The following MAN1A1 variants were observed in gnomAD, a reference collection of about 807,000 sequenced individuals.
MAN1A1 encodes mannosyl-oligosaccharide 1,2-alpha-mannosidase IA.
Under a neutral mutation model 70.8 loss-of-function variants are expected in MAN1A1, and 29 were observed. That is an observed-to-expected ratio of 0.41 (90% CI 0.31 to 0.56). The LOEUF is 0.56. Ranked by LOEUF, MAN1A1 falls within the 20% of genes least tolerant of loss-of-function variation. MAN1A1 has a pLI of 0.29. For synonymous variants in MAN1A1, 349 were observed against 330.1 expected (o/e 1.06, Z -0.62); for missense variants, 747 against 841.3 (o/e 0.89, Z 1.39).
chr6:119,346,187 T>G (rs1453099753), intron 2 of MAN1A1, among the ~76,000 whole-genome samples: 2 of 152,192 alleles, frequency 1.3e-5, no homozygotes, highest in African/African-American at 4.8e-5. Flanking sequence ...ATGTCCACAG[T>G]GGTGCCTGAA....
intron 2 of MAN1A1, among the ~76,000 whole-genome samples, chr6:119,343,734 G>GTTTC (rs1773657001): frequency 6.6e-6 from 1 of 152,054 alleles, no homozygotes; most frequent in Non-Finnish European, 1.5e-5. Flanking sequence ...TTTGCCACTC[G>GTTTC]TTTCACAGTA....
At chr6:119,199,283 G>A (rs1773652924) in intron 8 of MAN1A1, among the ~76,000 whole-genome samples, 1 of 152,112 alleles carries the variant, frequency 6.6e-6, no homozygotes. Context: ...GAAGTGACAA[G>A]CTCATTTTCA....
At chr6:119,328,182 G>A (rs1380936234) in intron 2 of MAN1A1, among the ~76,000 whole-genome samples, 2 of 152,162 alleles carry the variant, frequency 1.3e-5, no homozygotes, top group East Asian at 1.9e-4. Context: ...CACACAACAT[G>A]CCCAAGAAGA....
At chr6:119,269,953 C>T (rs945450369) in intron 5 of MAN1A1, among the ~76,000 whole-genome samples, 4 of 152,090 alleles carry the variant, frequency 2.6e-5, no homozygotes, top group African/African-American at 9.7e-5. Flanking sequence ...GCTTCACTGC[C>T]CATGGCTTGA....
intron 5 of MAN1A1, among the ~76,000 whole-genome samples, chr6:119,280,667 T>TGCAA (rs1329871671): frequency 6.6e-6 from 1 of 152,202 alleles, no homozygotes; most frequent in Non-Finnish European, 1.5e-5. Flanking sequence ...AAAAATAATT[T>TGCAA]GCAAGAACAT....
chr6:119,234,666 C>T (rs1224257281), intron 6 of MAN1A1, among the ~76,000 whole-genome samples: 2 of 152,154 alleles, frequency 1.3e-5, no homozygotes, highest in Non-Finnish European at 2.9e-5. Flanking sequence ...CCTTTTGCCT[C>T]GGCCTCCAAA....
At position 119,345,240 on chromosome 6, in the gene MAN1A1, A is replaced by T. The variant is rs79340559; in HGVS notation, c.603+3223T>A. On this transcript the variant is annotated intron_variant, in intron 2 of 12. Coordinates refer to ENST00000368468, the MANE Select transcript of MAN1A1 (RefSeq NM_005907.4). ...GGGAAGCTAAAAATGATTTCTGATT[A>T]AAAAAAAAAGTAAATGGACTATTTT... 3.9e-3 allele frequency among the ~76,000 whole-genome samples: 591 copies of T among 149,646 alleles called. 4 individuals carry two copies. The highest frequency in any genetic ancestry group is 0.013 in the African/African-American group (549 of 40,792).
intron 2 of MAN1A1, among the ~76,000 whole-genome samples, chr6:119,334,147 G>A (rs73767456): frequency 9.2e-5 from 14 of 152,164 alleles, no homozygotes; most frequent in African/African-American, 3.4e-4. Flanking sequence ...ATTTGACAAG[G>A]TATGGGAAGT....
intron 5 of MAN1A1, among the ~76,000 whole-genome samples, chr6:119,273,663 T>C (rs1775982581): frequency 6.6e-6 from 1 of 152,226 alleles, no homozygotes; most frequent in South Asian, 2.1e-4. Context: ...GATCTACTCA[T>C]ATATACAGCA....
At chr6:119,190,149 A>C (rs1773403898) in intron 9 of MAN1A1, among the ~76,000 whole-genome samples, 1 of 152,182 alleles carries the variant, frequency 6.6e-6, no homozygotes, top group African/African-American at 2.4e-5. Context: ...TGTATTCCTC[A>C]TATTCAAAAA....
At chr6:119,343,575 T>G (rs548332737) in intron 2 of MAN1A1, among the ~76,000 whole-genome samples, 4 of 152,180 alleles carry the variant, frequency 2.6e-5, no homozygotes, top group Non-Finnish European at 5.9e-5. Flanking sequence ...GGATAAGATA[T>G]AGTTCAATCA....
chr6:119,317,386 G>T (rs1772882749), intron 2 of MAN1A1, among the ~76,000 whole-genome samples: 1 of 152,106 alleles, frequency 6.6e-6, no homozygotes, highest in African/African-American at 2.4e-5. Context: ...TCTATGTTGT[G>T]CTTATTCATC....
chr6:119,315,926 C>T (rs1228172387), intron 2 of MAN1A1, among the ~76,000 whole-genome samples: 2 of 152,214 alleles, frequency 1.3e-5, no homozygotes, highest in Non-Finnish European at 2.9e-5. Flanking sequence ...GGTTTAACCT[C>T]AGGGTTTTTG....
chr6:119,350,600 C>T, upstream of MAN1A1: 2 of 965,696 alleles, frequency 2.1e-6, no homozygotes, highest in Non-Finnish European at 2.5e-6. Context: ...ATAAGTCGAA[C>T]ACTGTGTTGA....
At chr6:119,199,206 C>T (rs1238753555) in intron 8 of MAN1A1, among the ~76,000 whole-genome samples, 2 of 152,134 alleles carry the variant, frequency 1.3e-5, no homozygotes, top group Non-Finnish European at 2.9e-5. Flanking sequence ...ACAAGTTTTC[C>T]AAAATTCTAT....
At chr6:119,275,329 C>T (rs1370572334) in intron 5 of MAN1A1, among the ~76,000 whole-genome samples, 25 of 73,316 alleles carry the variant, frequency 3.4e-4, no homozygotes, top group East Asian at 7.9e-4. Context: ...TTTTTTGAGA[C>T]GGAGTCTCGC....
intron 6 of MAN1A1, among the ~76,000 whole-genome samples, chr6:119,212,172 TA>T (rs1430298646): frequency 6.6e-6 from 1 of 151,888 alleles, no homozygotes; most frequent in Non-Finnish European, 1.5e-5. Context: ...GTATACTTTT[TA>T]AATGAAATAA....
intron 2 of MAN1A1, among the ~76,000 whole-genome samples, chr6:119,320,146 G>A (rs1415569894): frequency 6.6e-6 from 1 of 152,028 alleles, no homozygotes; most frequent in Admixed American, 6.6e-5. Context: ...GCTAATTTTT[G>A]TATTTTTAGT....
intron 6 of MAN1A1, among the ~76,000 whole-genome samples, chr6:119,226,273 T>G (rs1160059328): frequency 6.6e-6 from 1 of 152,188 alleles, no homozygotes; most frequent in Admixed American, 6.5e-5. Flanking sequence ...GCAGGCAGCA[T>G]GAGCTTCATC....
Sources: allele counts gnomAD v4.1 joint callset (sites outside exome capture counted in the v4.1 genomes callset), GRCh38; gene constraint gnomAD v4.1.1; transcripts MANE v1.5; gene names NCBI Gene and HGNC (gene_info 2026-07-23, HGNC 2026-07-21).